FAM120A: variants seen among roughly 807,000 people sequenced by gnomAD.
The protein encoded by FAM120A is constitutive coactivator of PPAR-gamma-like protein 1.
In FAM120A, 15 loss-of-function variants were observed where a neutral mutation model predicts 109.7. That is an observed-to-expected ratio of 0.14 (90% CI 0.09 to 0.21). The LOEUF is 0.21. FAM120A is among the 10% of genes least tolerant of loss of function. The pLI, the probability that FAM120A is intolerant of heterozygous loss-of-function variation, is 1.00. For synonymous variants in FAM120A, 493 were observed against 572.8 expected (o/e 0.86, Z 1.99); for missense variants, 899 against 1,439.3 (o/e 0.62, Z 6.07).
chr9:93,514,093 G>A (rs1209697702), intron 5 of FAM120A, among the ~76,000 whole-genome samples: 2 of 152,224 alleles, frequency 1.3e-5, no homozygotes, highest in Non-Finnish European at 2.9e-5. Flanking sequence ...GAGGCCTCAG[G>A]AAACTTAGCA....
At chr9:93,516,414 G>C in intron 7 of FAM120A, 145 bp downstream of exon 7, 2 of 1,035,590 alleles carry the variant, frequency 1.9e-6, no homozygotes, top group Non-Finnish European at 2.8e-6. Flanking sequence ...TCAGATGGGG[G>C]CTCCTTGGAC....
intron 8 of FAM120A, among the ~76,000 whole-genome samples, chr9:93,528,145 T>C (rs961875649): frequency 3.3e-5 from 5 of 152,206 alleles, no homozygotes; most frequent in Admixed American, 2.0e-4. Context: ...CAAAAATCCT[T>C]TGTGGATACA....
intron 3 of FAM120A, among the ~76,000 whole-genome samples, chr9:93,487,350 C>T (rs561826868): frequency 1.6e-4 from 24 of 151,668 alleles, no homozygotes; most frequent in Non-Finnish European, 1.9e-4. Context: ...TTAGTAGAAA[C>T]GGAGTTTCAC....
chr9:93,485,295 G>T (rs529388104), intron 3 of FAM120A, among the ~76,000 whole-genome samples: 1 of 152,184 alleles, frequency 6.6e-6, no homozygotes, highest in South Asian at 2.1e-4. Flanking sequence ...GACATTCTTG[G>T]TCAGAAACAG....
intron 5 of FAM120A, among the ~76,000 whole-genome samples, chr9:93,505,271 A>G (rs1252605410): frequency 6.6e-6 from 1 of 151,992 alleles, no homozygotes; most frequent in Admixed American, 6.6e-5. Context: ...AATGCTAGCC[A>G]AGATGGTCTC....
intron 1 of FAM120A, among the ~76,000 whole-genome samples, chr9:93,468,474 G>A (rs1187890016): frequency 6.6e-6 from 1 of 152,156 alleles, no homozygotes; most frequent in Non-Finnish European, 1.5e-5. Flanking sequence ...GTGTAGGTAT[G>A]GTTTATAATA....
Position 93,497,712 on chromosome 9 carries a change from G to A in FAM120A, c.933+113G>A, listed in dbSNP as rs537179401. ...TTGAGGGTGCAAGCTGACTGGATGG[G>A]TCTGAGAGCTCTTGCTCAGGCCACT... On this transcript the variant is annotated intron_variant, in intron 4 of 17. Transcript: ENST00000277165. The A allele has an allele frequency of 5.4e-6, 7 of 1,294,342 alleles. No individual in the cohort carries two copies. The African/African-American group carries it at 9.1e-5, about 17-fold the overall frequency. 80.2% of individuals were successfully genotyped at this position (1,294,342 alleles called of 1,614,324 possible).
At chr9:93,499,508 G>A (rs574037827) in intron 5 of FAM120A, among the ~76,000 whole-genome samples, 4 of 151,846 alleles carry the variant, frequency 2.6e-5, no homozygotes, top group African/African-American at 7.3e-5. Context: ...GACTTGTCTC[G>A]AACTCCTAGC....
intron 10 of FAM120A, among the ~76,000 whole-genome samples, chr9:93,539,367 G>A (rs1861621677): frequency 6.6e-6 from 1 of 152,178 alleles, no homozygotes; most frequent in African/African-American, 2.4e-5. Context: ...TTAATATTCA[G>A]TCTTTCAGAA....
chr9:93,476,527 C>G (rs1858555712), intron 3 of FAM120A, among the ~76,000 whole-genome samples, 189 bp downstream of exon 3: 1 of 152,140 alleles, frequency 6.6e-6, no homozygotes, highest in South Asian at 2.1e-4. Flanking sequence ...TTCTCAACAC[C>G]TATATGTTAG....
At position 93,452,625 on chromosome 9, in the gene FAM120A, G is replaced by A; in HGVS notation, c.474+236G>A. On this transcript the variant is annotated intron_variant, in intron 1 of 17. Coordinates refer to ENST00000277165, the MANE Select transcript of FAM120A (RefSeq NM_014612.5). The surrounding 1 kb of genome is among the most constrained non-coding windows in gnomAD (Gnocchi z 7.0). ...CTGTTCGGGGTCCGCGGCCGCGTGG[G>A]GACACTTGAGGGCTGGGAGAGAGCC... 1 of 1,599,234 alleles carries A rather than the reference G, an allele frequency of 6.3e-7. No individual in the cohort carries two copies. The highest frequency in any genetic ancestry group is 1.1e-5 in the South Asian group (1 of 91,068).
chr9:93,464,218 T>G (rs1447466782), intron 1 of FAM120A, among the ~76,000 whole-genome samples: 2 of 152,230 alleles, frequency 1.3e-5, no homozygotes, highest in African/African-American at 4.8e-5. Flanking sequence ...CAAGTAAGTT[T>G]GGGAGTTTTT....
intron 1 of FAM120A, among the ~76,000 whole-genome samples, chr9:93,456,623 T>C (rs1435046703): frequency 6.6e-6 from 1 of 152,202 alleles, no homozygotes; most frequent in Non-Finnish European, 1.5e-5. Flanking sequence ...TGTTACCCCA[T>C]TTTTCATGTG....
intron 3 of FAM120A, among the ~76,000 whole-genome samples, chr9:93,487,812 T>C (rs1349691420): frequency 6.6e-6 from 1 of 152,206 alleles, no homozygotes; most frequent in Non-Finnish European, 1.5e-5. Context: ...ATGGATTTTA[T>C]TCCATGTGAA....
intron 8 of FAM120A, among the ~76,000 whole-genome samples, chr9:93,527,595 A>T (rs1408785287): frequency 2.7e-5 from 4 of 148,464 alleles, no homozygotes; most frequent in African/African-American, 4.9e-5. Flanking sequence ...TTATCTTTTT[A>T]AAAAAATTTT....
At chr9:93,458,327 G>A (rs7874126) in intron 1 of FAM120A, among the ~76,000 whole-genome samples, 17,761 of 151,762 alleles carry the variant, frequency 0.12, 2,213 homozygotes, top group African/African-American at 0.31. Context: ...CTTGCCTTCC[G>A]CCATTTCTCT....
chr9:93,490,806 C>A (rs1261652312), intron 3 of FAM120A, among the ~76,000 whole-genome samples: 1 of 152,150 alleles, frequency 6.6e-6, no homozygotes, highest in East Asian at 1.9e-4. Context: ...CTTAAGACGC[C>A]CCTTGAGTGC....
intron 8 of FAM120A, among the ~76,000 whole-genome samples, chr9:93,528,027 C>T (rs998931503): frequency 6.6e-6 from 1 of 152,180 alleles, no homozygotes; most frequent in Non-Finnish European, 1.5e-5. Context: ...CAAGAAGGAG[C>T]CGGTTTCCTG....
intron 7 of FAM120A, among the ~76,000 whole-genome samples, chr9:93,520,881 G>C (rs921645722): frequency 3.9e-5 from 6 of 152,228 alleles, no homozygotes; most frequent in African/African-American, 7.2e-5. Context: ...GCCTTCATCT[G>C]GGTGCGCTTG....
Sources: gnomAD v4.1 joint callset for allele counts (sites outside exome capture counted in the v4.1 genomes callset) on GRCh38, gnomAD v4.1.1 for gene constraint, Gnocchi (gnomAD v3.1) non-coding constraint, MANE v1.5 for transcripts, NCBI Gene and HGNC (gene_info 2026-07-23, HGNC 2026-07-21) for gene names.